NEIL1: variants seen among roughly 807,000 people sequenced by gnomAD.
NEIL1 encodes the protein nei like DNA glycosylase 1, also known as endonuclease 8-like 1.
A neutral mutation model predicts 44.2 loss-of-function variants in NEIL1; 31 were observed. That is an observed-to-expected ratio of 0.70 (90% CI 0.53 to 0.95). The LOEUF is 0.95. Among genes scored for constraint, NEIL1 ranks in the 40% least tolerant of loss-of-function variants. The probability of loss-of-function intolerance (pLI) is 0.00; values close to 1 mark genes in which losing one functional copy is unlikely to be tolerated. For missense variants in NEIL1, 549 were observed against 515.5 expected (o/e 1.07, Z -0.63); for synonymous variants, 254 against 209.7 (o/e 1.21, Z -1.83).
chr15:75,350,762 ACT>A (rs1325380465), intron 2 of NEIL1, among the ~76,000 whole-genome samples: 1 of 151,710 alleles, frequency 6.6e-6, no homozygotes, highest in East Asian at 1.9e-4. Flanking sequence ...CCACAAGTTA[ACT>A]CTGCCAGCTG....
Position 75,355,777 on chromosome 15 carries a change from G to A in NEIL1, c.*743G>A. 8.9e-7 allele frequency: 1 copy of A among 1,120,364 alleles called. No homozygotes were observed. The highest frequency in any genetic ancestry group is 1.3e-6 in the Non-Finnish European group (1 of 790,018). The allele number at this position is 1,120,364 out of a possible 1,614,324, so 69.4% of individuals were successfully genotyped here. ...CAAGCGTGAGGATGGGCCCTAAGGG[G>A]ACTGAGCAGCAGGGTTCCCGATCCA... On this transcript the variant is annotated 3_prime_UTR_variant, in exon 10 of 10. Coordinates refer to ENST00000355059, the MANE Select transcript of NEIL1 (RefSeq NM_024608.4).
intron 1 of NEIL1, chr15:75,348,397 C>A: frequency 2.0e-6 from 2 of 986,812 alleles, no homozygotes; most frequent in South Asian, 9.3e-5. Context: ...GAGGGGCGGC[C>A]ACGCGATCCT....
At chr15:75,354,103 G>A in intron 6 of NEIL1, 147 bp from the exon 7 acceptor site, 1 of 1,064,726 alleles carries the variant, frequency 9.4e-7, no homozygotes, top group Non-Finnish European at 1.4e-6. Context: ...TTGCTGATGT[G>A]GACTCTAACA....
chr15:75,354,105 A>C, intron 6 of NEIL1, 145 bp from the exon 7 acceptor site: 2 of 1,068,638 alleles, frequency 1.9e-6, no homozygotes, highest in Non-Finnish European at 2.8e-6. Context: ...GCTGATGTGG[A>C]CTCTAACATG....
At position 75,355,168 on chromosome 15, in the gene NEIL1, G is replaced by C; in HGVS notation, c.*134G>C. On this transcript the variant is annotated 3_prime_UTR_variant, in exon 10 of 10. Coordinates refer to ENST00000355059, the MANE Select transcript of NEIL1 (RefSeq NM_024608.4). ...GGCTGTTCCCTGCACAACTCTCATGGTTTTAATTGTACCCCATCTTCCACA... is the reference window on the plus strand; with the variant it reads ...GGCTGTTCCCTGCACAACTCTCATGCTTTTAATTGTACCCCATCTTCCACA... 1.5e-6 allele frequency: 1 copy of C among 673,254 alleles called. No individual in the cohort carries two copies. Among genetic ancestry groups the C allele is most frequent in the South Asian group, 1.9e-5 (1 of 52,124 alleles). The allele number at this position is 673,254 out of a possible 1,614,324, so 41.7% of individuals were successfully genotyped here. A position where few individuals can be genotyped will look rare whatever the true frequency, so the allele number is the denominator to read the frequency against.
intron 6 of NEIL1, 25 bp downstream of exon 6, chr15:75,353,891 C>CA: frequency 6.2e-7 from 1 of 1,611,354 alleles, no homozygotes. Context: ...TTCACACAGG[C>CA]AGAGACCCCA....
At chr15:75,354,565 C>A in intron 8 of NEIL1, 73 bp downstream of exon 8, 1 of 1,613,008 alleles carries the variant, frequency 6.2e-7, no homozygotes, top group East Asian at 2.2e-5. Context: ...AGCTGCCTTA[C>A]CCTAAGAGGG....
chr15:75,353,844 A>C lies in NEIL1; in HGVS notation c.824A>C (p.His275Pro). The C allele has an allele frequency of 6.2e-7, 1 of 1,613,238 alleles. No homozygotes were observed. Residue 275 changes from histidine to proline, a missense_variant, in exon 6 of 10, where the codon CAT becomes CCT. His to Pro is a moderately conservative substitution (Grantham distance 77, BLOSUM62 -2). Transcript: ENST00000355059. ...GGCATGAGCTCCCTGCAGGACCGGCATGGCCGTACCATCTGGTTCCAGGTT... is the reference window on the plus strand; with the variant it reads ...GGCATGAGCTCCCTGCAGGACCGGCCTGGCCGTACCATCTGGTTCCAGGTT... Reference protein sequence around the residue: ...MPGMSSLQDRHGRTIWFQGDP... With the variant: ...MPGMSSLQDRPGRTIWFQGDP...
intron 2 of NEIL1, chr15:75,351,185 A>G: frequency 2.3e-6 from 1 of 441,182 alleles, no homozygotes; most frequent in Admixed American, 2.6e-5. Context: ...CAGACTGCAA[A>G]CACACTTGAG....
intron 2 of NEIL1, among the ~76,000 whole-genome samples, chr15:75,350,734 C>G (rs1318165882): frequency 3.3e-5 from 5 of 152,162 alleles, no homozygotes; most frequent in Non-Finnish European, 7.4e-5. Context: ...CCCACCTCAG[C>G]CTTCCTGGGG....
intron 1 of NEIL1, chr15:75,348,075 C>T (rs1244393471): frequency 1.9e-6 from 2 of 1,035,136 alleles, no homozygotes; most frequent in Non-Finnish European, 2.4e-6. Context: ...TGCCGCGGGC[C>T]CTTTCCCTCC....
intron 8 of NEIL1, 65 bp downstream of exon 8, chr15:75,354,557 C>G: frequency 6.2e-7 from 1 of 1,613,058 alleles, no homozygotes; most frequent in East Asian, 2.2e-5. Context: ...TCCCAGGCAG[C>G]TGCCTTACCC....
At position 75,347,380 on chromosome 15, in the gene NEIL1, A is replaced by G. The variant is rs1275381348; in HGVS notation, c.-116A>G. 1 of 152,288 alleles carries G rather than the reference A, an allele frequency of 6.6e-6. No individual in the cohort carries two copies. Among genetic ancestry groups the G allele is most frequent in the Non-Finnish European group, 1.5e-5 (1 of 68,076 alleles). The allele number at this position is 152,288 out of a possible 1,614,324, so 9.4% of individuals were successfully genotyped here. ...TAGCTGGGTGACTTCCCCCAACCGC[A>G]GAGACAGCGGCGACCCGGGGCCTCA... On this transcript the variant is annotated 5_prime_UTR_variant, in exon 1 of 10. Transcript: ENST00000355059.
intron 5 of NEIL1, chr15:75,352,935 T>C (rs2072035502): frequency 6.6e-6 from 3 of 457,110 alleles, no homozygotes; most frequent in Non-Finnish European, 1.2e-5. Flanking sequence ...AGGTCAGGAG[T>C]TCGAGACCAT....
At position 75,347,096 on chromosome 15, in the gene NEIL1, A is replaced by G. The variant is rs1362048265; in HGVS notation, c.-400A>G. On this transcript the variant is annotated 5_prime_UTR_variant, in exon 1 of 10. Coordinates refer to ENST00000355059, the MANE Select transcript of NEIL1 (RefSeq NM_024608.4). The stretch of plus-strand genomic sequence containing the variant: ...TTTCTGATTTCAGAGACTCTCCGCA[A>G]CAGAACCATCTCAAGTGGGTCTACC... 2 of 152,216 alleles carry G rather than the reference A, an allele frequency of 1.3e-5. No homozygotes were observed. The highest frequency in any genetic ancestry group is 2.1e-4 in the South Asian group (1 of 4,828). 9.4% of individuals were successfully genotyped at this position (152,216 alleles called of 1,614,324 possible).
At position 75,355,288 on chromosome 15, in the gene NEIL1, G is replaced by A; in HGVS notation, c.*254G>A. The A allele has an allele frequency of 2.1e-6, 1 of 468,444 alleles. No homozygotes were observed. Among genetic ancestry groups the A allele is most frequent in the Middle Eastern group, 6.0e-4 (1 of 1,658 alleles). The allele number at this position is 468,444 out of a possible 1,614,324, so 29.0% of individuals were successfully genotyped here. ...TGGTCTGAGATGGCCAGGTAGGAAG[G>A]GCCTGCTGTCCGGTCCTGGTGACAG... On this transcript the variant is annotated 3_prime_UTR_variant, in exon 10 of 10. Coordinates refer to ENST00000355059, the MANE Select transcript of NEIL1 (RefSeq NM_024608.4).
At chr15:75,352,761 C>A in intron 5 of NEIL1, 60 bp downstream of exon 5, 1 of 1,370,500 alleles carries the variant, frequency 7.3e-7, no homozygotes, top group Non-Finnish European at 1.0e-6. Context: ...CCCTGGGGCA[C>A]TTGTCCCTCT....
Position 75,356,934 on chromosome 15 carries a change from C to T in NEIL1, c.*1900C>T, listed in dbSNP as rs899357410. On this transcript the variant is annotated 3_prime_UTR_variant, in exon 10 of 10. Coordinates refer to ENST00000355059, the MANE Select transcript of NEIL1 (RefSeq NM_024608.4). This position sits in a 1 kb window ranked among gnomAD's most constrained non-coding sequence, Gnocchi z 5.8. ...GGCAGATCCAAGACCCACTTGGTGGCCCTGTGCCCCTCTTTGTGCTCCCAG... is the reference window on the plus strand; with the variant it reads ...GGCAGATCCAAGACCCACTTGGTGGTCCTGTGCCCCTCTTTGTGCTCCCAG... 3 of 1,566,132 alleles carry T rather than the reference C, an allele frequency of 1.9e-6. No individual in the cohort carries two copies. Among genetic ancestry groups the T allele is most frequent in the Non-Finnish European group, 2.6e-6 (3 of 1,137,138 alleles).
At chr15:75,351,261 C>T in intron 2 of NEIL1, 2 of 442,988 alleles carry the variant, frequency 4.5e-6, no homozygotes, top group South Asian at 3.2e-5. Context: ...ACCTCATATA[C>T]AACCTCATGT....
Sources: gnomAD v4.1 joint callset for allele counts (sites outside exome capture counted in the v4.1 genomes callset) on GRCh38, gnomAD v4.1.1 for gene constraint, Gnocchi (gnomAD v3.1) non-coding constraint, MANE v1.5 for transcripts, NCBI Gene and HGNC (gene_info 2026-07-23, HGNC 2026-07-21) for gene names.